ITGB5: variants seen among roughly 807,000 people sequenced by gnomAD.
ITGB5 encodes the protein integrin subunit beta 5.
In ITGB5, 38 loss-of-function variants were observed where a neutral mutation model predicts 84.8. The ratio of observed to expected loss-of-function variants is 0.45; its 90% CI spans 0.35 to 0.59. ITGB5 has a LOEUF of 0.59. Among genes scored for constraint, ITGB5 ranks in the 20% least tolerant of loss-of-function variants. The pLI is 0.01. For missense variants in ITGB5, 905 were observed against 1,034.5 expected (o/e 0.87, Z 1.72); for synonymous variants, 393 against 414.4 (o/e 0.95, Z 0.63).
In ITGB5 at chr3:124,859,415, C is replaced by A. The variant is rs781122084; in HGVS notation, c.188G>T (p.Arg63Leu). ...GACAAGGTTTGCCCTCAGATCACAC[C>A]GAGAGGTGATGGACCGTGGGCTTCC... ...DFGSPRSITSRCDLRANLVKN... is the reference protein window; with the variant it reads ...DFGSPRSITSLCDLRANLVKN... Residue 63 changes from arginine (R) to leucine (L), a missense_variant, in exon 3 of 15, where the codon CGG (arginine) becomes CTG (leucine). Around this residue, in one of 3 missense-constraint regions of ITGB5, gnomAD observed 656 missense variants for 734.7 expected, o/e 0.89. Transcript: ENST00000296181. The A allele has an allele frequency of 1.1e-5, 18 of 1,613,974 alleles. No individual in the cohort carries two copies. The African/African-American group carries it at 1.7e-4, about 16-fold the overall frequency.
At chr3:124,862,815 C>T (rs1450974918) in intron 2 of ITGB5, 1 of 152,186 alleles carries the variant, frequency 6.6e-6, no homozygotes, top group Non-Finnish European at 1.5e-5. Flanking sequence ...GCATACGAGG[C>T]TTCCCTAAAG....
intron 6 of ITGB5, among the ~76,000 whole-genome samples, chr3:124,820,302 C>A (rs188610460): frequency 6.6e-6 from 1 of 152,206 alleles, no homozygotes; most frequent in Non-Finnish European, 1.5e-5. Flanking sequence ...CAACATCCCC[C>A]ACAGGTCCTG....
At chr3:124,842,183 A>G (rs889074627) in intron 4 of ITGB5, among the ~76,000 whole-genome samples, 18 of 152,258 alleles carry the variant, frequency 1.2e-4, no homozygotes, top group Admixed American at 1.0e-3. Context: ...GCTAAATGCA[A>G]TAAAAATTAT....
intron 13 of ITGB5, among the ~76,000 whole-genome samples, chr3:124,765,673 T>G (rs1006139093): frequency 1.3e-5 from 2 of 152,060 alleles, no homozygotes; most frequent in Non-Finnish European, 2.9e-5. Context: ...CCACTAGCGC[T>G]TGCCCCAAGA....
chr3:124,861,470 A>T (rs2065296992), intron 2 of ITGB5, among the ~76,000 whole-genome samples: 1 of 142,768 alleles, frequency 7.0e-6, no homozygotes, highest in African/African-American at 2.7e-5. Context: ...TGTTAAAAAA[A>T]CAAAACAAAA....
At chr3:124,871,763 C>T (rs1015977521) in intron 2 of ITGB5, among the ~76,000 whole-genome samples, 1 of 151,770 alleles carries the variant, frequency 6.6e-6, no homozygotes, top group African/African-American at 2.4e-5. Flanking sequence ...GAGATGGAGG[C>T]TGTAGTGAGC....
At chr3:124,851,070 C>T (rs1013319580) in intron 3 of ITGB5, among the ~76,000 whole-genome samples, 7 of 152,216 alleles carry the variant, frequency 4.6e-5, no homozygotes, top group Admixed American at 4.6e-4. Context: ...TCTACTTCTA[C>T]TTTTTTACGA....
intron 10 of ITGB5, among the ~76,000 whole-genome samples, chr3:124,774,716 G>C (rs995376671): frequency 6.6e-6 from 1 of 152,190 alleles, no homozygotes; most frequent in Non-Finnish European, 1.5e-5. Flanking sequence ...CTGAGTCCTA[G>C]TTAGAAGCTG....
intron 8 of ITGB5, among the ~76,000 whole-genome samples, chr3:124,814,300 G>A (rs2064552059): frequency 6.6e-6 from 1 of 151,842 alleles, no homozygotes; most frequent in South Asian, 2.1e-4. Flanking sequence ...GGGAGGGGTG[G>A]AAGAAGGGAA....
At chr3:124,792,868 T>C (rs563338169) in intron 10 of ITGB5, 94 of 151,688 alleles carry the variant, frequency 6.2e-4, no homozygotes, top group African/African-American at 2.3e-3. Flanking sequence ...GTTCTGATGA[T>C]TAAGCAAAAA....
chr3:124,778,855 G>A (rs142249843), intron 10 of ITGB5, among the ~76,000 whole-genome samples: 1 of 151,614 alleles, frequency 6.6e-6, no homozygotes, highest in East Asian at 2.0e-4. Flanking sequence ...GTGGCCATGG[G>A]GAGATGCTGA....
intron 12 of ITGB5, 21 bp downstream of exon 12, chr3:124,768,992 G>A (rs370477469): frequency 6.3e-6 from 10 of 1,581,846 alleles, no homozygotes; most frequent in Middle Eastern, 2.0e-4. Flanking sequence ...GTGACTGCCC[G>A]GGTGGTGGCA....
chr3:124,777,448 C>A (rs1490148018), intron 10 of ITGB5, among the ~76,000 whole-genome samples: 1 of 152,240 alleles, frequency 6.6e-6, no homozygotes, highest in Non-Finnish European at 1.5e-5. Context: ...CCAGGCTTCA[C>A]ACTTGATGAA....
At chr3:124,896,010 C>G (rs1170758030) in intron 1 of ITGB5, among the ~76,000 whole-genome samples, 1 of 152,194 alleles carries the variant, frequency 6.6e-6, no homozygotes, top group Non-Finnish European at 1.5e-5. Flanking sequence ...CACTTGGCAG[C>G]AGGCTCTACT....
chr3:124,894,134 C>CTTTTTTTTTTTTTTTTTTTTTTTTTTT (rs748784158), intron 1 of ITGB5, among the ~76,000 whole-genome samples: 3 of 104,354 alleles, frequency 2.9e-5, no homozygotes, highest in Non-Finnish European at 5.4e-5. Context: ...TGATATTTTT[C>CTTTTTTTTTTTTTTTTTTTTTTTTTTT]TTTTTTTTTT....
chr3:124,787,652 C>T (rs976706192), intron 10 of ITGB5: 1 of 152,240 alleles, frequency 6.6e-6, no homozygotes, highest in Non-Finnish European at 1.5e-5. Flanking sequence ...AAATGACCTT[C>T]AATGAGAGAT....
At chr3:124,892,488 G>A (rs564299847), upstream of ITGB5, among the ~76,000 whole-genome samples, 5 of 146,276 alleles carry the variant, frequency 3.4e-5, no homozygotes, top group East Asian at 2.0e-4. Flanking sequence ...CCAGGAGTTC[G>A]AGACCAGCCT....
At chr3:124,897,701 T>A (rs569587312) in intron 1 of ITGB5, among the ~76,000 whole-genome samples, 117 of 152,328 alleles carry the variant, frequency 7.7e-4, no homozygotes, top group Non-Finnish European at 1.5e-3. Context: ...ATGATGCATT[T>A]ATCCAACAAG....
At chr3:124,861,175 T>C (rs1283959733) in intron 2 of ITGB5, among the ~76,000 whole-genome samples, 2 of 152,062 alleles carry the variant, frequency 1.3e-5, no homozygotes, top group South Asian at 2.1e-4. Context: ...TATGTTTGTT[T>C]ATATTCTGGG....
Sources: allele counts gnomAD v4.1 joint callset (sites outside exome capture counted in the v4.1 genomes callset), GRCh38; gene constraint gnomAD v4.1.1; regional missense constraint gnomAD v4.1.1; transcripts MANE v1.5; gene names NCBI Gene and HGNC (gene_info 2026-07-23, HGNC 2026-07-21).